The following ATXN7L1 variants were observed in gnomAD, a reference collection of about 807,000 sequenced individuals.
ATXN7L1 encodes the protein ataxin 7 like 1, also known as ataxin-7-like protein 1.
A neutral mutation model predicts 70.8 loss-of-function variants in ATXN7L1; 15 were observed. The ratio of observed to expected loss-of-function variants is 0.21; its 90% CI spans 0.14 to 0.33. ATXN7L1 has a LOEUF of 0.33. ATXN7L1 is among the 10% of genes least tolerant of loss of function. The probability of loss-of-function intolerance (pLI) is 1.00; values close to 1 mark genes in which losing one functional copy is unlikely to be tolerated. For synonymous variants in ATXN7L1, 440 were observed against 445.1 expected (o/e 0.99, Z 0.14); for missense variants, 975 against 1,097.1 (o/e 0.89, Z 1.57).
intron 7 of ATXN7L1, among the ~76,000 whole-genome samples, chr7:105,628,709 C>T (rs1013277407): frequency 2.6e-5 from 4 of 151,724 alleles, no homozygotes; most frequent in African/African-American, 7.3e-5. Flanking sequence ...AGGAGAATGG[C>T]GTGAACCCGG....
At chr7:105,693,991 G>C (rs1791379744) in intron 3 of ATXN7L1, among the ~76,000 whole-genome samples, 1 of 152,004 alleles carries the variant, frequency 6.6e-6, no homozygotes, top group East Asian at 1.9e-4. Flanking sequence ...GTGGGGAAAG[G>C]AGGAGGGTGG....
chr7:105,656,161 G>A (rs1376981080), intron 4 of ATXN7L1, among the ~76,000 whole-genome samples: 1 of 152,236 alleles, frequency 6.6e-6, no homozygotes, highest in Non-Finnish European at 1.5e-5. Flanking sequence ...TTACCGAAGT[G>A]ATAGCAGCTG....
At chr7:105,685,006 T>G (rs1805984737) in intron 3 of ATXN7L1, among the ~76,000 whole-genome samples, 2 of 151,366 alleles carry the variant, frequency 1.3e-5, no homozygotes, top group African/African-American at 2.4e-5. Context: ...TTACACACAA[T>G]GAGCAGTCCA....
At chr7:105,766,669 C>T (rs1007269520) in intron 3 of ATXN7L1, among the ~76,000 whole-genome samples, 6 of 152,206 alleles carry the variant, frequency 3.9e-5, no homozygotes, top group Non-Finnish European at 1.5e-5. Context: ...CGAGAAGTGA[C>T]GGCTCCAAGG....
At chr7:105,827,619 C>A (rs532322614) in intron 2 of ATXN7L1, among the ~76,000 whole-genome samples, 6 of 152,156 alleles carry the variant, frequency 3.9e-5, no homozygotes, top group Non-Finnish European at 7.3e-5. Flanking sequence ...TCCGCAAGGC[C>A]GACTGAGGGA....
At chr7:105,671,381 C>G (rs1803653786) in intron 3 of ATXN7L1, among the ~76,000 whole-genome samples, 2 of 152,080 alleles carry the variant, frequency 1.3e-5, no homozygotes, top group Admixed American at 1.3e-4. Flanking sequence ...TCTTGCTACA[C>G]ATTTCTTTCC....
intron 3 of ATXN7L1, among the ~76,000 whole-genome samples, chr7:105,709,315 C>T (rs886078858): frequency 2.0e-5 from 3 of 152,062 alleles, no homozygotes; most frequent in Admixed American, 6.6e-5. Context: ...GCATGGGCAA[C>T]AAGAGTGAAA....
chr7:105,656,198 A>G (rs1800606744), intron 4 of ATXN7L1, among the ~76,000 whole-genome samples: 1 of 152,264 alleles, frequency 6.6e-6, no homozygotes, highest in South Asian at 2.1e-4. Context: ...TGACTCGGTC[A>G]CTGTGCCAGG....
intron 7 of ATXN7L1, among the ~76,000 whole-genome samples, chr7:105,630,018 A>G (rs1796357557): frequency 6.6e-6 from 1 of 151,908 alleles, no homozygotes; most frequent in Non-Finnish European, 1.5e-5. Flanking sequence ...GGGTTTCACC[A>G]TGTTGGCCAG....
At chr7:105,754,273 C>T (rs562140493) in intron 3 of ATXN7L1, among the ~76,000 whole-genome samples, 2 of 152,238 alleles carry the variant, frequency 1.3e-5, no homozygotes, top group African/African-American at 4.8e-5. Flanking sequence ...CCCTGGCAGC[C>T]CCTGGAGAGA....
At chr7:105,850,743 C>T (rs768423222) in intron 2 of ATXN7L1, among the ~76,000 whole-genome samples, 4 of 152,194 alleles carry the variant, frequency 2.6e-5, no homozygotes, top group Non-Finnish European at 4.4e-5. Context: ...AAGTGATCCT[C>T]ACTTGCCTGC....
chr7:105,784,097 G>A (rs990609831), intron 3 of ATXN7L1, among the ~76,000 whole-genome samples: 1 of 152,170 alleles, frequency 6.6e-6, no homozygotes, highest in African/African-American at 2.4e-5. Flanking sequence ...GAGTAGCTGG[G>A]ACAACAGGCA....
intron 2 of ATXN7L1, among the ~76,000 whole-genome samples, chr7:105,811,079 T>C (rs1276115965): frequency 6.6e-6 from 1 of 152,198 alleles, no homozygotes; most frequent in Non-Finnish European, 1.5e-5. Flanking sequence ...TGAAGTCCTA[T>C]CCCCAATACT....
chr7:105,873,010 C>A (rs964473774), intron 2 of ATXN7L1, among the ~76,000 whole-genome samples: 1 of 152,052 alleles, frequency 6.6e-6, no homozygotes, highest in Non-Finnish European at 1.5e-5. Context: ...AAAAATCAGC[C>A]GGGCTTGGTG....
Position 105,788,400 on chromosome 7 carries a change from TG to T in ATXN7L1, c.355+203del, listed in dbSNP as rs1374423938. 15 of 550,982 alleles carry T rather than the reference TG, an allele frequency of 2.7e-5. 1 individual carries two copies. Among genetic ancestry groups the T allele is most frequent in the Admixed American group, 9.1e-5 (3 of 32,936 alleles). The allele number at this position is 550,982 out of a possible 1,614,324, so 34.1% of individuals were successfully genotyped here. On this transcript the variant is annotated intron_variant, in intron 3 of 11. Transcript: ENST00000419735. ...GACAAGTTGCAGGTTTTCTCTCATTTGTTCTGACAGGACTGCGGATTTCAGC... is the reference window on the plus strand; with the variant it reads ...GACAAGTTGCAGGTTTTCTCTCATTTTTCTGACAGGACTGCGGATTTCAGC...
intron 3 of ATXN7L1, among the ~76,000 whole-genome samples, chr7:105,710,315 A>G (rs370692802): frequency 6.6e-6 from 1 of 152,240 alleles, no homozygotes; most frequent in East Asian, 1.9e-4. Context: ...GAAACTTACA[A>G]TCATGGTAGA....
intron 8 of ATXN7L1, among the ~76,000 whole-genome samples, chr7:105,623,620 C>A (rs1441296595): frequency 6.6e-6 from 1 of 152,176 alleles, no homozygotes; most frequent in East Asian, 1.9e-4. Flanking sequence ...TTAGAACCAA[C>A]AGGGGAGAAT....
intron 2 of ATXN7L1, among the ~76,000 whole-genome samples, chr7:105,842,681 G>C (rs1813398728): frequency 6.6e-6 from 1 of 152,166 alleles, no homozygotes. Context: ...TGGTGTACAA[G>C]TTTTTGTGTG....
At chr7:105,770,165 G>A (rs762247671) in intron 3 of ATXN7L1, among the ~76,000 whole-genome samples, 6 of 152,272 alleles carry the variant, frequency 3.9e-5, no homozygotes, top group Admixed American at 1.3e-4. Context: ...AAAAACTTAC[G>A]GCAAAAGCCT....
Sources: gnomAD v4.1 joint callset for allele counts (sites outside exome capture counted in the v4.1 genomes callset) on GRCh38, gnomAD v4.1.1 for gene constraint, MANE v1.5 for transcripts, NCBI Gene and HGNC (gene_info 2026-07-23, HGNC 2026-07-21) for gene names.